Variants in CSRNP3 observed in about 807,000 individuals in gnomAD.
CSRNP3 encodes cysteine and serine rich nuclear protein 3.
In CSRNP3, 12 loss-of-function variants were observed where a neutral mutation model predicts 48.0. That is an observed-to-expected ratio of 0.25 (90% CI 0.16 to 0.41). The LOEUF is 0.41. Among genes scored for constraint, CSRNP3 ranks in the 10% least tolerant of loss-of-function variants. The pLI is 1.00. For synonymous variants in CSRNP3, 263 were observed against 269.7 expected (o/e 0.98, Z 0.24); for missense variants, 580 against 724.4 (o/e 0.80, Z 2.29).
chr2:165,572,816 T>A (rs1047338804), intron 3 of CSRNP3, among the ~76,000 whole-genome samples: 7 of 152,188 alleles, frequency 4.6e-5, no homozygotes, highest in African/African-American at 2.4e-5. Flanking sequence ...TAGTCTATTT[T>A]AAAAATTTAT....
chr2:165,597,612 T>A (rs1357122794), intron 4 of CSRNP3, among the ~76,000 whole-genome samples: 2 of 152,068 alleles, frequency 1.3e-5, no homozygotes, highest in African/African-American at 4.8e-5. Context: ...TATTTAATGA[T>A]GTAAAAGTAT....
intron 5 of CSRNP3, among the ~76,000 whole-genome samples, chr2:165,660,437 G>A (rs1687077449): frequency 6.6e-6 from 1 of 152,108 alleles, no homozygotes. Flanking sequence ...TAGGCATTGA[G>A]AAAGACAGTC....
rs1687540545 is a variant in CSRNP3, at chr2:165,681,672, A to G, written c.*1919A>G. 1 of 144,136 alleles carries G rather than the reference A, an allele frequency of 6.9e-6. No individual in the cohort carries two copies. The highest frequency in any genetic ancestry group is 2.5e-5 in the African/African-American group (1 of 39,230). 8.9% of individuals were successfully genotyped at this position (144,136 alleles called of 1,614,324 possible). On this transcript the variant is annotated 3_prime_UTR_variant, in exon 7 of 7. Transcript: ENST00000651982. Reference sequence around the variant, plus strand: ...ATGAGAGCAGGGTTGTTCCTTTTGAATGATTGGCCCTTTGGGCTAATCAGA... The same window carrying G: ...ATGAGAGCAGGGTTGTTCCTTTTGAGTGATTGGCCCTTTGGGCTAATCAGA...
intron 5 of CSRNP3, among the ~76,000 whole-genome samples, chr2:165,658,731 GAGCCAAGTGAAAA>G (rs1687049639): frequency 6.6e-6 from 1 of 152,166 alleles, no homozygotes; most frequent in Non-Finnish European, 1.5e-5. Context: ...GGGAAAGTGA[GAGCCAAGTGAAAA>G]AGGAAACTCC....
intron 3 of CSRNP3, among the ~76,000 whole-genome samples, chr2:165,551,503 C>T (rs139505381): frequency 6.6e-6 from 1 of 152,138 alleles, no homozygotes; most frequent in Non-Finnish European, 1.5e-5. Flanking sequence ...GATAAAAACT[C>T]TCACATGTGT....
intron 3 of CSRNP3, among the ~76,000 whole-genome samples, chr2:165,580,012 T>G (rs1483133405): frequency 1.4e-5 from 2 of 138,822 alleles, no homozygotes; most frequent in African/African-American, 2.7e-5. Flanking sequence ...CACCGCAAGC[T>G]CCACCTCCCG....
At chr2:165,547,916 C>T (rs1052915605) in intron 3 of CSRNP3, among the ~76,000 whole-genome samples, 17 of 152,064 alleles carry the variant, frequency 1.1e-4, no homozygotes, top group Admixed American at 9.8e-4. Context: ...TACATCTATG[C>T]TTTACATGGG....
intron 3 of CSRNP3, among the ~76,000 whole-genome samples, chr2:165,541,382 C>G (rs1684955578): frequency 1.3e-5 from 2 of 152,036 alleles, no homozygotes; most frequent in East Asian, 3.9e-4. Flanking sequence ...CCCTCAGTGG[C>G]TCCTGAGCAC....
In CSRNP3 at chr2:165,687,527, T is replaced by C. The variant is rs1431930987; in HGVS notation, c.*7774T>C. On this transcript the variant is annotated 3_prime_UTR_variant, in exon 7 of 7. Coordinates refer to ENST00000651982, the MANE Select transcript of CSRNP3 (RefSeq NM_001172173.2). ...AATGACCTTCTCATTAATCTTTCCT[T>C]GGCTTAAAATGACAAATAAGAATCC... The C allele has an allele frequency of 6.6e-6, 1 of 152,086 alleles. No homozygotes were observed. Among genetic ancestry groups the C allele is most frequent in the Non-Finnish European group, 1.5e-5 (1 of 68,008 alleles). The allele number at this position is 152,086 out of a possible 1,614,324, so 9.4% of individuals were successfully genotyped here.
chr2:165,497,272 T>C (rs1300371316), intron 2 of CSRNP3, among the ~76,000 whole-genome samples: 1 of 152,058 alleles, frequency 6.6e-6, no homozygotes, highest in East Asian at 1.9e-4. Flanking sequence ...TTTTCCCCCC[T>C]GTAGTGCTGT....
intron 3 of CSRNP3, among the ~76,000 whole-genome samples, chr2:165,568,792 T>G (rs1685331589): frequency 6.6e-6 from 1 of 152,088 alleles, no homozygotes; most frequent in Non-Finnish European, 1.5e-5. Context: ...ATTTAAAATA[T>G]CTTATTATTA....
intron 3 of CSRNP3, among the ~76,000 whole-genome samples, chr2:165,549,221 AG>A (rs749901530): frequency 4.1e-4 from 63 of 152,178 alleles, no homozygotes; most frequent in Non-Finnish European, 6.9e-4. Context: ...CGACCGTGTT[AG>A]GGAATCTATA....
intron 1 of CSRNP3, among the ~76,000 whole-genome samples, chr2:165,485,513 A>G (rs1247843764): frequency 1.3e-5 from 2 of 152,200 alleles, no homozygotes; most frequent in Non-Finnish European, 2.9e-5. Flanking sequence ...CTCTAACCAA[A>G]TAAAGGTTAC....
intron 3 of CSRNP3, among the ~76,000 whole-genome samples, chr2:165,558,272 C>T (rs1685186990): frequency 6.6e-6 from 1 of 152,200 alleles, no homozygotes; most frequent in Non-Finnish European, 1.5e-5. Flanking sequence ...GCCATTGTCA[C>T]AGTTGCTGGT....
chr2:165,658,263 C>A (rs1306972516), intron 5 of CSRNP3, among the ~76,000 whole-genome samples: 2 of 152,134 alleles, frequency 1.3e-5, no homozygotes, highest in East Asian at 1.9e-4. Context: ...AGATCATATG[C>A]CCTGTGCTTG....
chr2:165,503,881 T>C (rs1304832470), intron 2 of CSRNP3, among the ~76,000 whole-genome samples: 1 of 151,912 alleles, frequency 6.6e-6, no homozygotes, highest in African/African-American at 2.4e-5. Context: ...TTTAATTTAG[T>C]CATAGGATAT....
intron 2 of CSRNP3, among the ~76,000 whole-genome samples, chr2:165,506,758 A>G (rs1328134610): frequency 6.6e-6 from 1 of 152,154 alleles, no homozygotes; most frequent in African/African-American, 2.4e-5. Context: ...ACCCGTCACG[A>G]ACTCTATTTT....
chr2:165,570,469 T>C (rs573870974), intron 3 of CSRNP3, among the ~76,000 whole-genome samples: 105 of 152,054 alleles, frequency 6.9e-4, no homozygotes, highest in Admixed American at 5.2e-4. Context: ...GGATTTTTTT[T>C]CCCAATTTCT....
chr2:165,640,296 G>T (rs1052670747), intron 4 of CSRNP3, among the ~76,000 whole-genome samples: 4 of 152,146 alleles, frequency 2.6e-5, no homozygotes, highest in Admixed American at 2.6e-4. Context: ...TATACATGAG[G>T]TGAGCGAGAC....
Sources: gnomAD v4.1 joint callset for allele counts (sites outside exome capture counted in the v4.1 genomes callset) on GRCh38, gnomAD v4.1.1 for gene constraint, MANE v1.5 for transcripts, NCBI Gene and HGNC (gene_info 2026-07-23, HGNC 2026-07-21) for gene names.